CHSY3: variants seen among roughly 807,000 people sequenced by gnomAD.
The protein encoded by CHSY3 is chondroitin sulfate synthase 3.
In CHSY3, 35 loss-of-function variants were observed where a neutral mutation model predicts 67.2. The ratio of observed to expected loss-of-function variants is 0.52; its 90% CI spans 0.40 to 0.69. CHSY3 has a LOEUF of 0.69. Ranked by LOEUF, CHSY3 falls within the 30% of genes least tolerant of loss-of-function variation. CHSY3 has a pLI of 0.00. For missense variants in CHSY3, 1,069 were observed against 1,138.5 expected, an observed-to-expected ratio of 0.94 and a Z score of 0.88; for synonymous variants, 474 against 434.7, an observed-to-expected ratio of 1.09 and a Z score of -1.12.
At chr5:130,046,015 AAG>A (rs767477651) in intron 2 of CHSY3, among the ~76,000 whole-genome samples, 2 of 152,118 alleles carry the variant, frequency 1.3e-5, no homozygotes, top group Non-Finnish European at 2.9e-5. Flanking sequence ...TTTTGTAAGC[AAG>A]AGTCTCAACT....
intron 2 of CHSY3, among the ~76,000 whole-genome samples, chr5:129,946,970 G>A (rs1348788683): frequency 6.6e-6 from 1 of 152,116 alleles, no homozygotes; most frequent in Non-Finnish European, 1.5e-5. Context: ...TATGGTAGTT[G>A]TATTTTTAAT....
At position 130,020,062 on chromosome 5, in the gene CHSY3, A is replaced by G. The variant is rs78668159; in HGVS notation, c.1086+111702A>G. Among the ~76,000 whole-genome samples the G allele has an allele frequency of 2.7e-3, 412 of 152,282 alleles. 2 individuals carry two copies. The highest frequency in any genetic ancestry group is 9.5e-3 in the African/African-American group (393 of 41,546). The stretch of plus-strand genomic sequence containing the variant: ...AGAGTGAGACTCATATACTTTCTCT[A>G]CAATGTTGCCTGTGAGATCTTGCTA... On this transcript the variant is annotated intron_variant, in intron 2 of 2. Transcript: ENST00000305031.
chr5:130,027,584 T>A (rs998120803), intron 2 of CHSY3, among the ~76,000 whole-genome samples: 1 of 152,048 alleles, frequency 6.6e-6, no homozygotes, highest in East Asian at 1.9e-4. Context: ...AACTCATCAT[T>A]TACATTAGGT....
chr5:129,972,950 T>C (rs1762687065), intron 2 of CHSY3, among the ~76,000 whole-genome samples: 1 of 152,062 alleles, frequency 6.6e-6, no homozygotes, highest in Non-Finnish European at 1.5e-5. Flanking sequence ...ACTTGATCTT[T>C]AGCCCACAGA....
Position 130,185,196 on chromosome 5 carries a change from A to G in CHSY3, c.2054A>G (p.Glu685Gly). 6.2e-7 allele frequency: 1 copy of G among 1,611,658 alleles called. No homozygotes were observed. The highest frequency in any genetic ancestry group is 1.1e-5 in the South Asian group (1 of 91,028). Reference sequence around the variant, plus strand: ...TACCAGAACAAGTACCCCAAAGCAGAAATGACCCTGATCCCAATGAAGGGA... The same window carrying G: ...TACCAGAACAAGTACCCCAAAGCAGGAATGACCCTGATCCCAATGAAGGGA... The part of the protein sequence containing the change: ...KGYQNKYPKA[E>G]MTLIPMKGEF... Residue 685 changes from glutamate (E) to glycine (G), a missense_variant, in exon 3 of 3, where the codon GAA becomes GGA. Around this residue, in one of 5 missense-constraint regions of CHSY3, gnomAD observed 401 missense variants for 395.2 expected, o/e 1.01. Coordinates refer to ENST00000305031, the MANE Select transcript of CHSY3 (RefSeq NM_175856.5).
intron 2 of CHSY3, among the ~76,000 whole-genome samples, chr5:130,157,463 A>G (rs546847804): frequency 6.6e-6 from 1 of 152,382 alleles, no homozygotes; most frequent in East Asian, 1.9e-4. Flanking sequence ...GACATGTCAT[A>G]TGGAAGAAGG....
At chr5:130,101,800 A>G (rs1258480501) in intron 2 of CHSY3, among the ~76,000 whole-genome samples, 1 of 152,124 alleles carries the variant, frequency 6.6e-6, no homozygotes, top group African/African-American at 2.4e-5. Flanking sequence ...ATTTCTTTCA[A>G]TACTTCGATT....
intron 2 of CHSY3, among the ~76,000 whole-genome samples, chr5:129,911,706 G>C (rs2149576781): frequency 6.6e-6 from 1 of 152,180 alleles, no homozygotes; most frequent in African/African-American, 2.4e-5. Flanking sequence ...TTTTGGCAAA[G>C]AATAAGAAAC....
chr5:130,179,367 C>G (rs1487152687), intron 2 of CHSY3, among the ~76,000 whole-genome samples: 1 of 151,838 alleles, frequency 6.6e-6, no homozygotes, highest in Non-Finnish European at 1.5e-5. Context: ...TTTGGCTTTT[C>G]TTAGCCTACC....
chr5:129,981,145 CG>C (rs1327528561), intron 2 of CHSY3, among the ~76,000 whole-genome samples: 8 of 151,400 alleles, frequency 5.3e-5, no homozygotes, highest in African/African-American at 1.5e-4. Flanking sequence ...GGCGTGAACC[CG>C]GGGGGCGGAG....
At chr5:130,019,538 TGTATCCCTTCTCCCTTA>T (rs1235136682) in intron 2 of CHSY3, among the ~76,000 whole-genome samples, 1 of 152,190 alleles carries the variant, frequency 6.6e-6, no homozygotes, top group African/African-American at 2.4e-5. Context: ...AGTTCAAGTC[TGTATCCCTTCTCCCTTA>T]GATCACTGCA....
intron 2 of CHSY3, among the ~76,000 whole-genome samples, chr5:130,131,229 T>C (rs1768473389): frequency 6.6e-6 from 1 of 152,154 alleles, no homozygotes; most frequent in Non-Finnish European, 1.5e-5. Flanking sequence ...CTTGGATTCT[T>C]CTCTTTCTCT....
At chr5:129,940,841 A>T (rs1348494777) in intron 2 of CHSY3, among the ~76,000 whole-genome samples, 3 of 152,160 alleles carry the variant, frequency 2.0e-5, no homozygotes, top group African/African-American at 7.2e-5. Flanking sequence ...ACACTTCATT[A>T]TAAAATAAGC....
At chr5:130,116,119 G>T (rs529716126) in intron 2 of CHSY3, among the ~76,000 whole-genome samples, 75 of 152,196 alleles carry the variant, frequency 4.9e-4, no homozygotes, top group Non-Finnish European at 8.7e-4. Flanking sequence ...TTGCCTCCCA[G>T]AATTATTTCT....
At chr5:130,119,967 G>T (rs966530054) in intron 2 of CHSY3, among the ~76,000 whole-genome samples, 3 of 152,224 alleles carry the variant, frequency 2.0e-5, no homozygotes, top group Middle Eastern at 3.4e-3. Flanking sequence ...CATTGTGTCT[G>T]CTTCTTTTTC....
intron 2 of CHSY3, among the ~76,000 whole-genome samples, chr5:129,988,903 G>C (rs1367079939): frequency 6.6e-6 from 1 of 152,070 alleles, no homozygotes; most frequent in Non-Finnish European, 1.5e-5. Flanking sequence ...ATCATCAGAG[G>C]GGCCCATTTG....
chr5:130,170,041 T>C (rs1769856780), intron 2 of CHSY3, among the ~76,000 whole-genome samples: 1 of 152,126 alleles, frequency 6.6e-6, no homozygotes, highest in Middle Eastern at 3.2e-3. Flanking sequence ...CATGGGTATG[T>C]TGTGTACTAG....
chr5:130,032,621 C>T (rs1191425018), intron 2 of CHSY3, among the ~76,000 whole-genome samples: 8 of 152,064 alleles, frequency 5.3e-5, no homozygotes, highest in African/African-American at 1.9e-4. Flanking sequence ...ACCCGCCTCA[C>T]TTCAGGTTAA....
intron 2 of CHSY3, chr5:130,141,034 T>G (rs563931253): frequency 1.5e-4 from 47 of 311,944 alleles, no homozygotes; most frequent in African/African-American, 1.0e-3. Context: ...TTGTCCTGGT[T>G]CATGGTTCTA....
Sources: allele counts gnomAD v4.1 joint callset (sites outside exome capture counted in the v4.1 genomes callset), GRCh38; gene constraint gnomAD v4.1.1; regional missense constraint gnomAD v4.1.1; transcripts MANE v1.5; gene names NCBI Gene and HGNC (gene_info 2026-07-23, HGNC 2026-07-21).